CCAR1: variants seen among roughly 807,000 people sequenced by gnomAD.
CCAR1 encodes cell division cycle and apoptosis regulator 1.
CCAR1 carries 78 observed loss-of-function variants against 163.8 expected under a neutral mutation model. The observed-to-expected ratio is 0.48, with a 90% CI of 0.40 to 0.57. The LOEUF (loss-of-function observed/expected upper bound fraction) is 0.57. Among genes scored for constraint, CCAR1 ranks in the 20% least tolerant of loss-of-function variants. The pLI, the probability that CCAR1 is intolerant of heterozygous loss-of-function variation, is 0.00. For missense variants in CCAR1, 1,019 were observed against 1,365.2 expected (o/e 0.75, Z 4.00); for synonymous variants, 443 against 460.7 (o/e 0.96, Z 0.49).
intron 21 of CCAR1, among the ~76,000 whole-genome samples, chr10:68,787,607 G>A (rs1183463691): frequency 6.6e-6 from 1 of 152,096 alleles, no homozygotes; most frequent in East Asian, 1.9e-4. Flanking sequence ...AGGCGGAGGA[G>A]GGTGGATCAC....
chr10:68,743,366 A>G (rs910162584), intron 6 of CCAR1, among the ~76,000 whole-genome samples: 6 of 151,000 alleles, frequency 4.0e-5, no homozygotes, highest in African/African-American at 1.2e-4. Context: ...GCCTTTCACT[A>G]TATTGGCCAG....
intron 10 of CCAR1, among the ~76,000 whole-genome samples, chr10:68,750,563 A>G (rs2056318830): frequency 6.6e-6 from 1 of 152,138 alleles, no homozygotes; most frequent in Non-Finnish European, 1.5e-5. Flanking sequence ...TGCAAAACAA[A>G]GGTAATATTA....
intron 15 of CCAR1, 40 bp from the exon 16 acceptor site, chr10:68,760,960 CCCCGCCA>C (rs757426626): frequency 2.5e-6 from 2 of 790,596 alleles, no homozygotes; most frequent in South Asian, 4.7e-5. Context: ...GCCCCCCGCC[CCCCGCCA>C]CCTTTTTTTT....
chr10:68,774,330 A>G (rs1359913869), intron 19 of CCAR1, among the ~76,000 whole-genome samples: 2 of 152,100 alleles, frequency 1.3e-5, no homozygotes, highest in Non-Finnish European at 2.9e-5. Context: ...CGTGTTCTAA[A>G]TATATTCTTT....
In CCAR1 at chr10:68,771,375, A is replaced by G. The variant is rs1308346177; in HGVS notation, c.2468A>G (p.Asp823Gly). Residue 823 changes from aspartate (D) to glycine (G), a missense_variant, in exon 18 of 25, where the codon GAT (aspartate) becomes GGT (glycine). Physicochemically the swap from Asp to Gly is moderately conservative, Grantham distance 94. This residue lies in a region of CCAR1 where 358 missense variants were observed against 406.4 expected (regional missense o/e 0.88). Transcript: ENST00000265872. The part of the protein sequence containing the change: ...DKKEERDDET[D>G]EPKPKRRKSG... ...AAAGAAGAAAGAGATGATGAAACTG[A>G]TGAACCAAAACCCAAACGGAGAAAA... 1.1e-5 allele frequency: 17 copies of G among 1,598,988 alleles called. No homozygotes were observed. Among genetic ancestry groups the G allele is most frequent in the African/African-American group, 4.0e-5 (3 of 74,394 alleles).
intron 10 of CCAR1, among the ~76,000 whole-genome samples, chr10:68,750,672 C>T (rs1047614765): frequency 1.3e-5 from 2 of 152,128 alleles, no homozygotes; most frequent in South Asian, 4.2e-4. Flanking sequence ...GGGTTATGGT[C>T]GCAACTTAGG....
At chr10:68,773,474 C>T (rs1361824593) in intron 19 of CCAR1, among the ~76,000 whole-genome samples, 5 of 152,016 alleles carry the variant, frequency 3.3e-5, no homozygotes, top group Non-Finnish European at 7.4e-5. Flanking sequence ...TCCAGCCTTG[C>T]CAACATGGTG....
chr10:68,734,101 T>G (rs1033528565), intron 2 of CCAR1, among the ~76,000 whole-genome samples: 1 of 152,198 alleles, frequency 6.6e-6, no homozygotes, highest in Non-Finnish European at 1.5e-5. Context: ...AATTAGACTT[T>G]TTAAATAGTT....
At chr10:68,753,521 C>G (rs758767644) in intron 10 of CCAR1, among the ~76,000 whole-genome samples, 2 of 152,166 alleles carry the variant, frequency 1.3e-5, no homozygotes, top group Non-Finnish European at 2.9e-5. Flanking sequence ...CCATAATTTT[C>G]AAGTAATCCA....
chr10:68,735,194 A>T (rs559475013), intron 2 of CCAR1, among the ~76,000 whole-genome samples: 1 of 152,172 alleles, frequency 6.6e-6, no homozygotes, highest in African/African-American at 2.4e-5. Flanking sequence ...CCAAAAATTT[A>T]AAAATTAGCA....
Position 68,756,130 on chromosome 10 carries a change from A to G in CCAR1, c.1626-143A>G, listed in dbSNP as rs554813256. On this transcript the variant is annotated intron_variant, in intron 13 of 24. Transcript: ENST00000265872. This position sits in a 1 kb window ranked among gnomAD's most constrained non-coding sequence, Gnocchi z 5.1. Reference sequence around the variant, plus strand: ...GTACAAATGTACCAAAAGAGGAACTATGGCTTCTATAATTTTTTTTTCTTT... The same window carrying G: ...GTACAAATGTACCAAAAGAGGAACTGTGGCTTCTATAATTTTTTTTTCTTT... 5 of 612,542 alleles carry G rather than the reference A, an allele frequency of 8.2e-6. No individual in the cohort carries two copies. In the Admixed American group the frequency reaches 9.2e-5, roughly 11 times the overall value. The allele number at this position is 612,542 out of a possible 1,614,324, so 37.9% of individuals were successfully genotyped here.
At chr10:68,758,598 CATAT>C (rs1393672733) in intron 15 of CCAR1, among the ~76,000 whole-genome samples, 13 of 140,252 alleles carry the variant, frequency 9.3e-5, no homozygotes, top group Non-Finnish European at 1.2e-4. Flanking sequence ...TGTACACACA[CATAT>C]ATATACGTGT....
intron 2 of CCAR1, among the ~76,000 whole-genome samples, chr10:68,728,906 C>T (rs1307909494): frequency 1.3e-5 from 2 of 151,138 alleles, no homozygotes; most frequent in South Asian, 2.1e-4. Flanking sequence ...GAGCCGAGAT[C>T]GTGCCATTGC....
At chr10:68,767,486 T>G (rs544976455) in intron 17 of CCAR1, among the ~76,000 whole-genome samples, 49 of 152,266 alleles carry the variant, frequency 3.2e-4, no homozygotes, top group African/African-American at 1.1e-3. Context: ...CCTCAAGTGA[T>G]CCAACTGCCT....
chr10:68,739,398 C>G (rs892323512), intron 4 of CCAR1, among the ~76,000 whole-genome samples: 1 of 152,104 alleles, frequency 6.6e-6, no homozygotes, highest in African/African-American at 2.4e-5. Flanking sequence ...ATCCACCCAC[C>G]TTGGCCTCCC....
rs1295058478 is a variant in CCAR1 at position 68,736,925 on chromosome 10, T to G, written c.123T>G (p.Ile41Met). ...QPSLLGASPT[I>M]YTQQTALAAA... ...CACTCCTTGGAGCATCTCCTACCAT[T>G]TATACACAGCAAACTGCATTGGCAG... Residue 41 changes from isoleucine to methionine, a missense_variant, in exon 3 of 25, where the codon ATT becomes ATG. By Grantham distance (10) the Ile-to-Met change is conservative. Around this residue, in one of 4 missense-constraint regions of CCAR1, gnomAD observed 644 missense variants for 904.4 expected, o/e 0.71. Coordinates refer to ENST00000265872, the MANE Select transcript of CCAR1 (RefSeq NM_018237.4). The G allele has an allele frequency of 1.9e-6, 3 of 1,613,980 alleles. No individual in the cohort carries two copies. The highest frequency in any genetic ancestry group is 2.5e-6 in the Non-Finnish European group (3 of 1,180,004).
chr10:68,759,923 C>G lies in CCAR1; in HGVS notation c.1921-1084C>G, dbSNP rs138461513. 2.8e-3 allele frequency among the ~76,000 whole-genome samples: 420 copies of G among 152,268 alleles called. 7 individuals are homozygous for G. Among genetic ancestry groups the G allele is most frequent in the Admixed American group, 0.024 (374 of 15,288 alleles). The stretch of plus-strand genomic sequence containing the variant: ...GATGAGAGTTCACTGTAGCTTCAAA[C>G]TCCTAGGCTCAAGTGGTCCTCTGAC... On this transcript the variant is annotated intron_variant, in intron 15 of 24. Transcript: ENST00000265872.
rs2056811850 is a variant in CCAR1, at chr10:68,787,773, T to G, written c.2881-154T>G. The stretch of plus-strand genomic sequence containing the variant: ...TCGCTTGAACCTGGGAAGTGGAGGT[T>G]GTAGTGAGTCGAGATCACACCACTG... On this transcript the variant is annotated intron_variant, in intron 21 of 24. Coordinates refer to ENST00000265872, the MANE Select transcript of CCAR1 (RefSeq NM_018237.4). 38 of 593,836 alleles carry G rather than the reference T, an allele frequency of 6.4e-5. No homozygotes were observed. The South Asian group carries it at 8.9e-4, about 14-fold the overall frequency. 36.8% of individuals were successfully genotyped at this position (593,836 alleles called of 1,614,324 possible). A position where few individuals can be genotyped will look rare whatever the true frequency, so the allele number is the denominator to read the frequency against.
At chr10:68,728,347 A>G (rs1379844914) in intron 2 of CCAR1, among the ~76,000 whole-genome samples, 1 of 151,816 alleles carries the variant, frequency 6.6e-6, no homozygotes, top group Non-Finnish European at 1.5e-5. Flanking sequence ...ACATCCAAAA[A>G]TAATCCTGGA....
Sources: gnomAD v4.1 joint callset for allele counts (sites outside exome capture counted in the v4.1 genomes callset) on GRCh38, gnomAD v4.1.1 for gene constraint, gnomAD v4.1.1 regional missense constraint, Gnocchi (gnomAD v3.1) non-coding constraint, MANE v1.5 for transcripts, NCBI Gene and HGNC (gene_info 2026-07-23, HGNC 2026-07-21) for gene names.